The following NAV2 variants were observed in gnomAD, a reference collection of about 807,000 sequenced individuals.
NAV2 encodes the protein helicase, APC down-regulated 1.
In NAV2, 54 loss-of-function variants were observed where a neutral mutation model predicts 223.2. That is an observed-to-expected ratio of 0.24 (90% confidence interval 0.19 to 0.30). The LOEUF (loss-of-function observed/expected upper bound fraction) is 0.30, where lower values mean the gene tolerates loss of function less well. NAV2 is among the 10% of genes least tolerant of loss of function. The pLI, the probability that NAV2 is intolerant of heterozygous loss-of-function variation, is 1.00. For synonymous variants in NAV2, 1,279 were observed against 1,239.3 expected, an observed-to-expected ratio of 1.03 and a Z score of -0.67; for missense variants, 2,806 against 3,147.5, an observed-to-expected ratio of 0.89 and a Z score of 2.60.
At chr11:19,571,679 C>G (rs2045428735) in intron 1 of NAV2, among the ~76,000 whole-genome samples, 1 of 151,318 alleles carries the variant, frequency 6.6e-6, no homozygotes, top group Admixed American at 6.6e-5. Context: ...GCACTCCAGC[C>G]TGGGCAACAA....
At chr11:19,618,396 GAATA>G (rs746631339) in intron 1 of NAV2, among the ~76,000 whole-genome samples, 108,747 of 135,164 alleles carry the variant, frequency 0.8, 42,816 homozygotes, top group Non-Finnish European at 0.88. Context: ...ATGGATGGAT[GAATA>G]GATGGATGGA....
At position 19,703,581 on chromosome 11, in the gene NAV2, G is replaced by C. The variant is rs1003146900; in HGVS notation, c.76-128903G>C. On this transcript the variant is annotated intron_variant, in intron 1 of 37. Coordinates refer to the NAV2 transcript ENST00000360655. ...GCGGCATTGGGGGGATTACCTGGCT[G>C]TGTTTGGGCTGCATGGGCAGCTGGA... is the stretch of plus-strand genomic sequence containing the variant. Among the ~76,000 whole-genome samples, 6 of 152,362 alleles carry C rather than the reference G, an allele frequency of 3.9e-5. No individual in the cohort carries two copies. The East Asian group carries it at 1.2e-3, about 29-fold the overall frequency.
intron 4 of NAV2, among the ~76,000 whole-genome samples, chr11:19,870,964 T>C (rs1178240650): frequency 6.6e-6 from 1 of 152,182 alleles, no homozygotes; most frequent in African/African-American, 2.4e-5. Context: ...GAAGATGTTA[T>C]AGCCCATGGA....
At chr11:19,590,511 A>T (rs970863778) in intron 1 of NAV2, among the ~76,000 whole-genome samples, 1 of 152,156 alleles carries the variant, frequency 6.6e-6, no homozygotes, top group African/African-American at 2.4e-5. Context: ...GTCCCAGAGG[A>T]TCTCTGAGGT....
At chr11:19,519,299 T>G (rs913006637) in intron 1 of NAV2, among the ~76,000 whole-genome samples, 25 of 151,966 alleles carry the variant, frequency 1.6e-4, no homozygotes, top group African/African-American at 6.0e-4. Flanking sequence ...ACAAGGCAGG[T>G]GCACAGTTCT....
Position 20,093,120 on chromosome 11 carries a change from G to A in NAV2, c.5837G>A (p.Gly1946Asp). 6.2e-7 allele frequency: 1 copy of A among 1,614,054 alleles called. No homozygotes were observed. The highest frequency in any genetic ancestry group is 8.5e-7 in the Non-Finnish European group (1 of 1,179,974). The change falls in exon 29 of 38, where the codon GGT becomes GAT. Residue 1946 changes from glycine to aspartate, a missense_variant. Coordinates refer to ENST00000349880, the MANE Select transcript of NAV2 (RefSeq NM_145117.5). ...TSLDMLLDDTGECSARKEGGR... is the reference protein window; with the variant it reads ...TSLDMLLDDTDECSARKEGGR... ...GCAGACATGTTGCTGGATGACACTG[G>A]TGAATGCTCGGCTCGGAAGGAAGGA... is the stretch of plus-strand genomic sequence containing the variant.
chr11:19,501,789 A>G (rs890258175), intron 1 of NAV2, among the ~76,000 whole-genome samples: 1 of 151,996 alleles, frequency 6.6e-6, no homozygotes, highest in African/African-American at 2.4e-5. Context: ...TGGCAGTGTG[A>G]CTTCATGAAT....
intron 1 of NAV2, among the ~76,000 whole-genome samples, chr11:19,412,980 A>T (rs1396049557): frequency 2.0e-5 from 3 of 152,224 alleles, no homozygotes; most frequent in Non-Finnish European, 4.4e-5. Flanking sequence ...AAACCAGCAC[A>T]AAAAGGCTGA....
intron 1 of NAV2, among the ~76,000 whole-genome samples, chr11:19,607,462 T>A (rs569568179): frequency 7.9e-4 from 120 of 152,332 alleles, no homozygotes; most frequent in African/African-American, 2.7e-3. Context: ...ATAGCTGTCA[T>A]CTGAGGTTGC....
intron 10 of NAV2, among the ~76,000 whole-genome samples, chr11:19,966,961 G>A (rs977548736): frequency 2.6e-5 from 4 of 152,308 alleles, no homozygotes; most frequent in African/African-American, 9.6e-5. Flanking sequence ...GAGCAGTGCT[G>A]CTGCTGCTGC....
chr11:19,892,604 C>A lies in NAV2; in HGVS notation c.931+10C>A. On this transcript the variant is annotated intron_variant, in intron 6 of 37. Coordinates refer to ENST00000349880, the MANE Select transcript of NAV2 (RefSeq NM_145117.5). ...AGCAGCCACGAGAAAGGTGAGTCAC[C>A]TTCTTGAGGAGCCTTTTTGGTATTT... 6.2e-7 allele frequency: 1 copy of A among 1,612,182 alleles called. No homozygotes were observed. The highest frequency in any genetic ancestry group is 8.5e-7 in the Non-Finnish European group (1 of 1,178,906).
intron 1 of NAV2, among the ~76,000 whole-genome samples, chr11:19,607,243 T>C (rs1433162369): frequency 6.6e-6 from 1 of 152,240 alleles, no homozygotes; most frequent in Non-Finnish European, 1.5e-5. Flanking sequence ...CCCTCAATCC[T>C]GACTTCTTTC....
intron 1 of NAV2, among the ~76,000 whole-genome samples, chr11:19,371,580 G>C (rs1017506944): frequency 1.3e-5 from 2 of 152,080 alleles, no homozygotes; most frequent in Non-Finnish European, 2.9e-5. Flanking sequence ...GAAGAATGTA[G>C]GTAGTACTAG....
At chr11:19,747,219 G>A (rs1013814580) in intron 1 of NAV2, among the ~76,000 whole-genome samples, 13 of 151,832 alleles carry the variant, frequency 8.6e-5, no homozygotes, top group Non-Finnish European at 1.5e-4. Flanking sequence ...TAAAGGACAC[G>A]AACTCATCAT....
At chr11:19,905,647 G>T (rs1021446693) in intron 6 of NAV2, among the ~76,000 whole-genome samples, 2 of 152,090 alleles carry the variant, frequency 1.3e-5, no homozygotes, top group African/African-American at 4.8e-5. Context: ...GATTAATTTG[G>T]CTTATGTTAA....
chr11:19,884,881 CA>C (rs1461586855), intron 5 of NAV2, among the ~76,000 whole-genome samples: 4 of 152,096 alleles, frequency 2.6e-5, no homozygotes, highest in African/African-American at 9.7e-5. Flanking sequence ...GCAGAGGAGA[CA>C]AAACAGCAAG....
intron 11 of NAV2, among the ~76,000 whole-genome samples, chr11:20,006,883 A>T (rs1469442802): frequency 6.6e-6 from 1 of 152,158 alleles, no homozygotes; most frequent in East Asian, 1.9e-4. Context: ...CCAAGGTACA[A>T]AAATGCAAAA....
At chr11:19,801,942 A>G (rs537490902) in intron 1 of NAV2, among the ~76,000 whole-genome samples, 1 of 152,322 alleles carries the variant, frequency 6.6e-6, no homozygotes, top group South Asian at 2.1e-4. Flanking sequence ...TTTTATTTTA[A>G]TAATTATCAT....
In NAV2 at chr11:20,103,699, A is replaced by G. The variant is rs201845364; in HGVS notation, c.6619A>G (p.Asn2207Asp). Reference protein sequence around the residue: ...TMNQATSSTPNLQLHHNFRWV... With the variant: ...TMNQATSSTPDLQLHHNFRWV... Reference sequence around the variant, plus strand: ...GAACCAGGCTACCTCTTCGACTCCCAACCTGCAGCTTCACCATAACTTCAG... The same window carrying G: ...GAACCAGGCTACCTCTTCGACTCCCGACCTGCAGCTTCACCATAACTTCAG... The change falls in exon 34 of 38, where the codon AAC becomes GAC. Residue 2207 changes from asparagine to aspartate, a missense_variant. Asn to Asp is a conservative substitution (Grantham distance 23). Coordinates refer to ENST00000349880, the MANE Select transcript of NAV2 (RefSeq NM_145117.5). 5.0e-6 allele frequency: 8 copies of G among 1,614,108 alleles called. No homozygotes were observed. The East Asian group carries it at 1.8e-4, about 36-fold the overall frequency.
Sources: allele counts gnomAD v4.1 joint callset (sites outside exome capture counted in the v4.1 genomes callset), GRCh38; gene constraint gnomAD v4.1.1; transcripts MANE v1.5; gene names NCBI Gene and HGNC (gene_info 2026-07-23, HGNC 2026-07-21).